Variants in KIAA1755 observed in about 807,000 individuals in gnomAD.
KIAA1755 encodes KIAA1755.
In KIAA1755, 68 loss-of-function variants were observed where a neutral mutation model predicts 91.7. The observed-to-expected ratio is 0.74, with a 90% CI of 0.61 to 0.91. The LOEUF is 0.91. KIAA1755 is among the 40% of genes least tolerant of loss of function. The pLI, the probability that KIAA1755 is intolerant of heterozygous loss-of-function variation, is 0.00. For synonymous variants in KIAA1755, 610 were observed against 604.6 expected (o/e 1.01, Z -0.13); for missense variants, 1,535 against 1,494.4 (o/e 1.03, Z -0.45).
At chr20:38,221,963 C>T (rs1007153085) in intron 10 of KIAA1755, among the ~76,000 whole-genome samples, 14 of 152,168 alleles carry the variant, frequency 9.2e-5, no homozygotes, top group African/African-American at 3.4e-4. Context: ...AAGGCAGGGC[C>T]GGGTAGGGGT....
At chr20:38,216,231 C>T (rs1026464248) in intron 13 of KIAA1755, among the ~76,000 whole-genome samples, 20 of 152,332 alleles carry the variant, frequency 1.3e-4, no homozygotes, top group African/African-American at 3.4e-4. Flanking sequence ...GCTCGGATTC[C>T]GCCTGTATCG....
At position 38,217,242 on chromosome 20, in the gene KIAA1755, G is replaced by T; in HGVS notation, c.2901+11C>A. 6.3e-7 allele frequency: 1 copy of T among 1,584,518 alleles called. No homozygotes were observed. Among genetic ancestry groups the T allele is most frequent in the East Asian group, 2.3e-5 (1 of 44,050 alleles). ...CGGGGGGTATCTGTGCAGGTGGGCC[G>T]CGGGGCTCACCCTCTTGCAGAAGCG... is the stretch of plus-strand genomic sequence containing the variant. On this transcript the variant is annotated intron_variant, in intron 13 of 13. Coordinates refer to ENST00000279024, the MANE Select transcript of KIAA1755 (RefSeq NM_001029864.2).
chr20:38,215,953 C>G (rs1238615425), intron 13 of KIAA1755, among the ~76,000 whole-genome samples: 1 of 152,224 alleles, frequency 6.6e-6, no homozygotes, highest in African/African-American at 2.4e-5. Context: ...GTTTGAATCT[C>G]TGCCCACTCA....
intron 8 of KIAA1755, among the ~76,000 whole-genome samples, chr20:38,224,679 C>T (rs1008667981): frequency 6.6e-6 from 1 of 152,160 alleles, no homozygotes; most frequent in Non-Finnish European, 1.5e-5. Flanking sequence ...CAGAATTGCT[C>T]AACCCCAAAT....
chr20:38,251,255 C>G (rs1423056200), intron 1 of KIAA1755, among the ~76,000 whole-genome samples: 1 of 152,168 alleles, frequency 6.6e-6, no homozygotes, highest in African/African-American at 2.4e-5. Flanking sequence ...TTAAAGACAT[C>G]TTATCCCCAG....
Position 38,241,626 on chromosome 20 carries a change from A to C in KIAA1755, c.505T>G (p.Ser169Ala). The C allele has an allele frequency of 6.2e-7, 1 of 1,614,198 alleles. No homozygotes were observed. Among genetic ancestry groups the C allele is most frequent in the Non-Finnish European group, 8.5e-7 (1 of 1,180,040 alleles). Reference protein sequence around the residue: ...GNPLHNCLVASENGIAPVPWT... With the variant: ...GNPLHNCLVAAENGIAPVPWT... The stretch of plus-strand genomic sequence containing the variant: ...GGCACAGGGGCAATCCCATTTTCTG[A>C]TGCTACCAAGCAGTTGTGTAGGGGA... The change falls in exon 3 of 14, where the codon TCA (serine) becomes GCA (alanine). Residue 169 changes from serine (S) to alanine (A), a missense_variant. Ser to Ala is a moderately conservative substitution (Grantham distance 99). Coordinates refer to ENST00000279024, the MANE Select transcript of KIAA1755 (RefSeq NM_001029864.2).
intron 2 of KIAA1755, among the ~76,000 whole-genome samples, 178 bp downstream of exon 2, chr20:38,245,751 T>C (rs1012803129): frequency 2.6e-5 from 4 of 152,104 alleles, no homozygotes; most frequent in African/African-American, 9.7e-5. Flanking sequence ...TAAATCCCCT[T>C]CGATCTGGGG....
In KIAA1755 at chr20:38,228,213, C is replaced by A; in HGVS notation, c.1899G>T (p.Ala633=). Residue 633 remains alanine, a synonymous_variant, in exon 6 of 14, where the codon GCG becomes GCT. Transcript: ENST00000279024. ...GCTGTCTCCTGGCGTCAATCAGGACCGCCAGCCCCTTGGCTTTATCTTCAG... is the reference window on the plus strand; with the variant it reads ...GCTGTCTCCTGGCGTCAATCAGGACAGCCAGCCCCTTGGCTTTATCTTCAG... ...PRPEDKAKGL[A]VLIDARRQPP... 3 of 1,602,926 alleles carry A rather than the reference C, an allele frequency of 1.9e-6. No individual in the cohort carries two copies. The highest frequency in any genetic ancestry group is 1.7e-6 in the Non-Finnish European group (2 of 1,175,324).
At chr20:38,260,280 A>C (rs1430733167) in intron 1 of KIAA1755, 1 of 1,549,164 alleles carries the variant, frequency 6.5e-7, no homozygotes, top group East Asian at 2.4e-5. Flanking sequence ...CCATCCATAC[A>C]CACACATGGA....
Position 38,213,593 on chromosome 20 carries a change from C to T in KIAA1755, c.3052G>A (p.Gly1018Arg). ...CGGCTCAGGGAGGCCACCTGCAGCC[C>T]CACGGCTGCGAGCTTCTCAGCAGGG... ...EFPAEKLAAV[G>R]LQVASLSRAG... The change falls in exon 14 of 14, where the codon GGG (glycine) becomes AGG (arginine). Residue 1018 changes from glycine (G) to arginine (R), a missense_variant. Coordinates refer to ENST00000279024, the MANE Select transcript of KIAA1755 (RefSeq NM_001029864.2). 1 of 1,609,166 alleles carries T rather than the reference C, an allele frequency of 6.2e-7. No individual in the cohort carries two copies.
chr20:38,231,676 G>C (rs1465192054), intron 4 of KIAA1755, among the ~76,000 whole-genome samples: 2 of 152,342 alleles, frequency 1.3e-5, no homozygotes, highest in East Asian at 3.9e-4. Flanking sequence ...GCACCTCTGA[G>C]CTTCAGTTTC....
chr20:38,219,493 G>T, intron 11 of KIAA1755, 137 bp downstream of exon 11: 1 of 1,159,286 alleles, frequency 8.6e-7, no homozygotes. Context: ...ATGCCTGCCT[G>T]GCCTTTGAAG....
At chr20:38,223,481 G>C in intron 9 of KIAA1755, 57 bp downstream of exon 9, 1 of 1,235,874 alleles carries the variant, frequency 8.1e-7, no homozygotes, top group Non-Finnish European at 1.1e-6. Context: ...CGAAGCCCTT[G>C]GTCCATGGGG....
intron 1 of KIAA1755, among the ~76,000 whole-genome samples, chr20:38,252,617 CG>C (rs2076270544): frequency 6.6e-6 from 1 of 152,132 alleles, no homozygotes; most frequent in East Asian, 1.9e-4. Flanking sequence ...TGGGGACTGA[CG>C]ATCCCAGCTG....
At chr20:38,258,488 GCTGTTAATCAAA>G (rs2076377920) in intron 1 of KIAA1755, among the ~76,000 whole-genome samples, 2 of 152,150 alleles carry the variant, frequency 1.3e-5, no homozygotes, top group Non-Finnish European at 2.9e-5. Context: ...ACACTAGACA[GCTGTTAATCAAA>G]TGCCCCACAA....
At chr20:38,248,372 C>G (rs1033557900) in intron 1 of KIAA1755, among the ~76,000 whole-genome samples, 1 of 152,168 alleles carries the variant, frequency 6.6e-6, no homozygotes, top group African/African-American at 2.4e-5. Flanking sequence ...TGGATTCTCC[C>G]CTAGAGCCTC....
At chr20:38,218,107 A>G in intron 12 of KIAA1755, 137 bp downstream of exon 12, 1 of 1,117,732 alleles carries the variant, frequency 8.9e-7, no homozygotes, top group Non-Finnish European at 1.3e-6. Context: ...GAACTCTGCA[A>G]TCCAAGCTGG....
chr20:38,256,903 T>C (rs551603566), intron 1 of KIAA1755, among the ~76,000 whole-genome samples: 1 of 152,310 alleles, frequency 6.6e-6, no homozygotes, highest in African/African-American at 2.4e-5. Context: ...CTAAAAATTG[T>C]TCATCTAAGT....
chr20:38,231,628 T>C (rs1025620762), intron 4 of KIAA1755, among the ~76,000 whole-genome samples: 2 of 152,214 alleles, frequency 1.3e-5, no homozygotes, highest in African/African-American at 4.8e-5. Flanking sequence ...AAGTCTCTGC[T>C]CTGCAGTGAC....
Sources: allele counts gnomAD v4.1 joint callset (sites outside exome capture counted in the v4.1 genomes callset), GRCh38; gene constraint gnomAD v4.1.1; transcripts MANE v1.5; gene names NCBI Gene and HGNC (gene_info 2026-07-23, HGNC 2026-07-21).